NBPF3: variants seen among roughly 807,000 people sequenced by gnomAD.
NBPF3 encodes the protein NBPF member 3, also known as NBPF family member NBPF3.
Under a neutral mutation model 78.1 loss-of-function variants are expected in NBPF3, and 57 were observed. That is an observed-to-expected ratio of 0.73 (90% CI 0.59 to 0.91). The LOEUF is 0.91. Ranked by LOEUF, NBPF3 falls within the 40% of genes least tolerant of loss-of-function variation. The probability of loss-of-function intolerance (pLI) is 0.00; values close to 1 mark genes in which losing one functional copy is unlikely to be tolerated. For missense variants in NBPF3, 510 were observed against 715.3 expected (o/e 0.71, Z 3.27); for synonymous variants, 182 against 271.7 (o/e 0.67, Z 3.25).
At position 21,483,960 on chromosome 1, in the gene NBPF3, A is replaced by G. The variant is rs1406209168; in HGVS notation, c.*574A>G. The G allele has an allele frequency of 1.3e-5, 2 of 153,974 alleles. No individual in the cohort carries two copies. Among genetic ancestry groups the G allele is most frequent in the African/African-American group, 2.4e-5 (1 of 41,078 alleles). 9.5% of individuals were successfully genotyped at this position (153,974 alleles called of 1,614,324 possible). On this transcript the variant is annotated 3_prime_UTR_variant, in exon 15 of 15. Transcript: ENST00000318249. ...GTCCTTCAGCCTCCAATTGATATCAATACTTAGGAAGACCACAGCTAGACG... is the reference window on the plus strand; with the variant it reads ...GTCCTTCAGCCTCCAATTGATATCAGTACTTAGGAAGACCACAGCTAGACG...
chr1:21,437,766 T>C (rs1442355883), upstream of NBPF3, among the ~76,000 whole-genome samples: 1 of 150,236 alleles, frequency 6.7e-6, no homozygotes, highest in Admixed American at 6.6e-5. Context: ...GCCATTCTCC[T>C]GCCTCAGCCT....
intron 3 of NBPF3, among the ~76,000 whole-genome samples, chr1:21,469,108 G>A (rs1341378430): frequency 1.3e-5 from 2 of 152,152 alleles, no homozygotes; most frequent in African/African-American, 4.8e-5. Flanking sequence ...GTGGGGGTGG[G>A]CCTAGAGTTA....
intron 2 of NBPF3, chr1:21,451,758 T>C (rs1018285337): frequency 1.1e-4 from 24 of 210,108 alleles, no homozygotes; most frequent in Non-Finnish European, 1.7e-4. Flanking sequence ...TCTTGGTTCC[T>C]TCTTGGTAGC....
At chr1:21,440,032 G>A (rs903784531), upstream of NBPF3, 4 of 152,312 alleles carry the variant, frequency 2.6e-5, no homozygotes, top group African/African-American at 9.6e-5. Flanking sequence ...AGAGGCCGCC[G>A]AGTCCCTTTA....
At chr1:21,443,836 C>G (rs1436059161) in intron 1 of NBPF3, among the ~76,000 whole-genome samples, 1 of 152,120 alleles carries the variant, frequency 6.6e-6, no homozygotes, top group Non-Finnish European at 1.5e-5. Flanking sequence ...GTTTCAAACT[C>G]CTGGGCTGAA....
intron 12 of NBPF3, among the ~76,000 whole-genome samples, chr1:21,481,326 G>T (rs963058447): frequency 1.3e-5 from 2 of 150,972 alleles, no homozygotes; most frequent in Non-Finnish European, 2.9e-5. Flanking sequence ...AGAGTGTCCT[G>T]TACTCCCTCC....
chr1:21,465,004 CAA>C (rs10531760), intron 2 of NBPF3, among the ~76,000 whole-genome samples: 25 of 99,194 alleles, frequency 2.5e-4, no homozygotes, highest in African/African-American at 8.7e-4. Context: ...GACCCTGTCT[CAA>C]AAAAAAAAAA....
chr1:21,472,327 TG>T (rs947654256), intron 5 of NBPF3, among the ~76,000 whole-genome samples: 9 of 152,222 alleles, frequency 5.9e-5, no homozygotes, highest in African/African-American at 2.2e-4. Flanking sequence ...GCACTTGATG[TG>T]GGGGCATTTG....
intron 2 of NBPF3, among the ~76,000 whole-genome samples, chr1:21,465,004 C>CAA (rs10531760): frequency 1.3e-3 from 126 of 99,000 alleles, no homozygotes; most frequent in African/African-American, 2.3e-3. Context: ...GACCCTGTCT[C>CAA]AAAAAAAAAA....
At chr1:21,463,564 G>A (rs1378766754) in intron 2 of NBPF3, among the ~76,000 whole-genome samples, 1 of 152,210 alleles carries the variant, frequency 6.6e-6, no homozygotes, top group Non-Finnish European at 1.5e-5. Context: ...CTTTGGATTA[G>A]ACATTTTTTA....
chr1:21,440,758 T>C (rs1640594640), intron 1 of NBPF3: 2 of 152,398 alleles, frequency 1.3e-5, no homozygotes, highest in Admixed American at 1.3e-4. Flanking sequence ...TTGGGGTCTT[T>C]ACTGGCCTCC....
chr1:21,448,360 C>G (rs1641110099), intron 2 of NBPF3, among the ~76,000 whole-genome samples: 1 of 151,662 alleles, frequency 6.6e-6, no homozygotes, highest in Admixed American at 6.6e-5. Flanking sequence ...GTTTGTCCAG[C>G]TGTTCTAGCA....
chr1:21,438,841 T>C (rs375277154), upstream of NBPF3, among the ~76,000 whole-genome samples: 31 of 152,280 alleles, frequency 2.0e-4, 1 homozygote, highest in African/African-American at 7.5e-4. Flanking sequence ...CTCTAAACCA[T>C]TGAGGGCCCT....
At chr1:21,479,460 G>A (rs949278871) in intron 10 of NBPF3, 60 bp downstream of exon 10, 12 of 1,414,726 alleles carry the variant, frequency 8.5e-6, no homozygotes, top group African/African-American at 4.2e-5. Flanking sequence ...TGCCAAGTCC[G>A]GGGAAAGCAG....
At chr1:21,474,088 A>G (rs1306254469) in intron 7 of NBPF3, among the ~76,000 whole-genome samples, 1 of 152,138 alleles carries the variant, frequency 6.6e-6, no homozygotes, top group Non-Finnish European at 1.5e-5. Context: ...TACTTTGCTG[A>G]TATAGTTCCA....
intron 1 of NBPF3, among the ~76,000 whole-genome samples, chr1:21,443,441 C>T (rs1481886636): frequency 1.3e-5 from 2 of 152,136 alleles, no homozygotes. Context: ...GAAGTTTTTA[C>T]AATCTTCCTG....
rs1031702239 is a variant in NBPF3 at position 21,457,286 on chromosome 1, G to T, written c.134-11402G>T. ...AGGGAACATTAAGAGAACATAAAAA[G>T]AAACCACAATATAGGAGATATCATA... On this transcript the variant is annotated intron_variant, in intron 2 of 14. Coordinates refer to ENST00000318249, the MANE Select transcript of NBPF3 (RefSeq NM_032264.6). Among the ~76,000 whole-genome samples the T allele has an allele frequency of 4.7e-5, 7 of 150,470 alleles. No homozygotes were observed. The Admixed American group carries it at 4.7e-4, about 10-fold the overall frequency.
intron 2 of NBPF3, among the ~76,000 whole-genome samples, chr1:21,453,048 G>T (rs1342985618): frequency 6.6e-6 from 1 of 152,102 alleles, no homozygotes; most frequent in Non-Finnish European, 1.5e-5. Context: ...TTCTCCTTTT[G>T]TTTCCCCATG....
At chr1:21,454,506 C>T (rs922165567) in intron 2 of NBPF3, among the ~76,000 whole-genome samples, 2 of 152,134 alleles carry the variant, frequency 1.3e-5, no homozygotes, top group Non-Finnish European at 2.9e-5. Context: ...TCTAAGCCTT[C>T]CTAGAGAGAC....
Sources: gnomAD v4.1 joint callset for allele counts (sites outside exome capture counted in the v4.1 genomes callset) on GRCh38, gnomAD v4.1.1 for gene constraint, MANE v1.5 for transcripts, NCBI Gene and HGNC (gene_info 2026-07-23, HGNC 2026-07-21) for gene names.